Variants in USP20 observed in about 807,000 individuals in gnomAD.
USP20 encodes ubiquitin specific peptidase 20.
A neutral mutation model predicts 124.2 loss-of-function variants in USP20; 80 were observed. That is an observed-to-expected ratio of 0.64 (90% confidence interval 0.54 to 0.78). The LOEUF (loss-of-function observed/expected upper bound fraction) is 0.78. USP20 is among the 30% of genes least tolerant of loss of function. The pLI is 0.00. For synonymous variants in USP20, 481 were observed against 512.3 expected (o/e 0.94, Z 0.83); for missense variants, 1,043 against 1,244.4 (o/e 0.84, Z 2.44).
chr9:129,844,036 C>G (rs144081490), intron 1 of USP20, among the ~76,000 whole-genome samples: 57 of 152,254 alleles, frequency 3.7e-4, no homozygotes, highest in African/African-American at 1.2e-3. Context: ...CCATTGCACT[C>G]CAGCCTGGGT....
At chr9:129,840,633 A>G (rs1054457159) in intron 1 of USP20, among the ~76,000 whole-genome samples, 1 of 152,206 alleles carries the variant, frequency 6.6e-6, no homozygotes, top group Non-Finnish European at 1.5e-5. Context: ...AGTTATTGTC[A>G]TAATTATTGC....
At chr9:129,877,116 G>A (rs896070081) in intron 22 of USP20, among the ~76,000 whole-genome samples, 1 of 152,164 alleles carries the variant, frequency 6.6e-6, no homozygotes, top group Non-Finnish European at 1.5e-5. Context: ...GGCTCCTGGC[G>A]CACTCCCTCC....
chr9:129,874,528 C>A, intron 17 of USP20, 48 bp from the exon 18 acceptor site: 1 of 1,603,870 alleles, frequency 6.2e-7, no homozygotes, highest in African/African-American at 1.3e-5. Flanking sequence ...GCTGCGAGGG[C>A]CCGCATCATT....
chr9:129,852,411 C>T, intron 2 of USP20, 129 bp from the exon 3 acceptor site: 2 of 716,934 alleles, frequency 2.8e-6, no homozygotes, highest in Admixed American at 2.6e-5. Context: ...TAAGCAACTT[C>T]CCTGCGTTAC....
chr9:129,868,535 C>A, intron 11 of USP20, 86 bp downstream of exon 11: 1 of 1,484,640 alleles, frequency 6.7e-7, no homozygotes, highest in Non-Finnish European at 8.9e-7. Context: ...GCAGTAGCCC[C>A]CGGGGGACGG....
intron 3 of USP20, among the ~76,000 whole-genome samples, chr9:129,853,373 G>A (rs187892697): frequency 1.1e-4 from 17 of 152,324 alleles, no homozygotes; most frequent in Admixed American, 8.5e-4. Flanking sequence ...CCTTGAAGCT[G>A]CATCATATTT....
rs1238139036 is a variant in USP20, at chr9:129,869,360, A to G, written c.1327A>G (p.Ser443Gly). 4 of 1,613,648 alleles carry G rather than the reference A, an allele frequency of 2.5e-6. No individual in the cohort carries two copies. Among genetic ancestry groups the G allele is most frequent in the South Asian group, 2.2e-5 (2 of 91,090 alleles). Residue 443 changes from serine (S) to glycine (G), a missense_variant, in exon 13 of 26, where the codon AGC becomes GGC. Physicochemically the swap from Ser to Gly is moderately conservative, Grantham distance 56. Transcript: ENST00000372429. ...SRRRKEQRYR[S>G]VISDIFDGSI... ...GAGGCGGAAGGAGCAGCGCTACCGC[A>G]GCGTCATCTCAGACATCTTTGACGG...
At chr9:129,848,028 T>C (rs543299746) in intron 1 of USP20, among the ~76,000 whole-genome samples, 2 of 152,010 alleles carry the variant, frequency 1.3e-5, no homozygotes, top group Admixed American at 1.3e-4. Flanking sequence ...CCGAGCACGG[T>C]GGCTCACGCC....
rs1025495361 is a variant in USP20, at chr9:129,880,469, C to G, written c.*19C>G. On this transcript the variant is annotated splice_region_variant and 3_prime_UTR_variant, in exon 26 of 26. Coordinates refer to ENST00000372429, the MANE Select transcript of USP20 (RefSeq NM_001110303.4). ...GCTGAGTGCCCGTGTCCCCACAGCC[C>G]CATGTGCCCCACCCCGCGGAAGGCG... The G allele has an allele frequency of 1.4e-6, 1 of 704,792 alleles. No individual in the cohort carries two copies. The highest frequency in any genetic ancestry group is 2.3e-6 in the Non-Finnish European group (1 of 438,964). 43.7% of individuals were successfully genotyped at this position (704,792 alleles called of 1,614,324 possible).
chr9:129,840,311 C>T (rs185583589), intron 1 of USP20, among the ~76,000 whole-genome samples: 5 of 152,176 alleles, frequency 3.3e-5, no homozygotes, highest in African/African-American at 1.2e-4. Context: ...TGTGTTGCTT[C>T]CTGTCTGGGA....
intron 3 of USP20, among the ~76,000 whole-genome samples, chr9:129,853,408 G>A (rs931823766): frequency 6.6e-6 from 1 of 152,182 alleles, no homozygotes; most frequent in Non-Finnish European, 1.5e-5. Context: ...AGTGACTGAT[G>A]CTCTCTGGGT....
intron 1 of USP20, among the ~76,000 whole-genome samples, chr9:129,848,205 A>G (rs2032696667): frequency 6.6e-6 from 1 of 152,190 alleles, no homozygotes; most frequent in African/African-American, 2.4e-5. Context: ...CTGAGGCAAG[A>G]GAATTGCTTG....
Position 129,880,212 on chromosome 9 carries a change from C to A in USP20, c.2684C>A (p.Pro895Gln). 1 of 1,613,564 alleles carries A rather than the reference C, an allele frequency of 6.2e-7. No homozygotes were observed. The highest frequency in any genetic ancestry group is 8.5e-7 in the Non-Finnish European group (1 of 1,179,910). Reference sequence around the variant, plus strand: ...GCCATCCGCCAGAGTGTGGCGCAGCCGCTGGGCCCAGAGAACCTGCACGGG... The same window carrying A: ...GCCATCCGCCAGAGTGTGGCGCAGCAGCTGGGCCCAGAGAACCTGCACGGG... ...EIAIRQSVAQ[P>Q]LGPENLHGEQ... Residue 895 changes from proline to glutamine, a missense_variant, in exon 25 of 26, where the codon CCG becomes CAG. By Grantham distance (76) the Pro-to-Gln change is moderately conservative. Transcript: ENST00000372429.
chr9:129,846,241 A>ATTTTTTTTTTT (rs1226898360), intron 1 of USP20, among the ~76,000 whole-genome samples: 4 of 26,504 alleles, frequency 1.5e-4, no homozygotes, highest in African/African-American at 1.9e-4. Context: ...ATATATATAT[A>ATTTTTTTTTTT]TATATATTTT....
intron 1 of USP20, chr9:129,835,934 C>T (rs943058015): frequency 6.6e-6 from 1 of 152,270 alleles, no homozygotes; most frequent in Non-Finnish European, 1.5e-5. Context: ...CCAGCGCCGA[C>T]TGCCTCACAA....
At position 129,878,452 on chromosome 9, in the gene USP20, G is replaced by C; in HGVS notation, c.2512+12G>C. On this transcript the variant is annotated intron_variant, in intron 23 of 25. Transcript: ENST00000372429. ...GGGGAAGGACAACGGTGAGCTGAGGGGGGACCTGGCACTTACCTGCCCTGG... is the reference window on the plus strand; with the variant it reads ...GGGGAAGGACAACGGTGAGCTGAGGCGGGACCTGGCACTTACCTGCCCTGG... The C allele has an allele frequency of 6.3e-7, 1 of 1,589,038 alleles. No individual in the cohort carries two copies. Among genetic ancestry groups the C allele is most frequent in the Non-Finnish European group, 8.6e-7 (1 of 1,165,286 alleles).
At position 129,861,585 on chromosome 9, in the gene USP20, A is replaced by ACGC. The variant is rs767069573; in HGVS notation, c.471_473dup (p.Ala159dup). 1 of 1,613,994 alleles carries ACGC rather than the reference A, an allele frequency of 6.2e-7. No homozygotes were observed. Reference sequence around the variant, plus strand: ...AACCTCGGGAACTCCTGCTACATGAACGCTGCCCTGCAGGCCCTGTCCAAT... The same window carrying ACGC: ...AACCTCGGGAACTCCTGCTACATGAACGCCGCTGCCCTGCAGGCCCTGTCCAAT... On this transcript the variant is annotated inframe_insertion, in exon 8 of 26. Transcript: ENST00000372429.
At chr9:129,873,336 G>A (rs544714660) in intron 15 of USP20, 146 bp from the exon 16 acceptor site, 10 of 956,286 alleles carry the variant, frequency 1.0e-5, no homozygotes, top group South Asian at 4.4e-5. Context: ...CGCCCGCCTC[G>A]GCCTCCCAAA....
intron 18 of USP20, 35 bp downstream of exon 18, chr9:129,874,791 G>A (rs370655370): frequency 4.1e-5 from 66 of 1,613,672 alleles, no homozygotes; most frequent in South Asian, 1.3e-4. Flanking sequence ...GTCCCCATCC[G>A]CTAGGATCCC....
Sources: allele counts gnomAD v4.1 joint callset (sites outside exome capture counted in the v4.1 genomes callset), GRCh38; gene constraint gnomAD v4.1.1; transcripts MANE v1.5; gene names NCBI Gene and HGNC (gene_info 2026-07-23, HGNC 2026-07-21).